The following TRPM3 variants were observed in gnomAD, a reference collection of about 807,000 sequenced individuals.
TRPM3 encodes transient receptor potential cation channel subfamily M member 3.
TRPM3 carries 77 observed loss-of-function variants against 181.2 expected under a neutral mutation model. The observed-to-expected ratio is 0.42, with a 90% CI of 0.35 to 0.51. The LOEUF is 0.51. Ranked by LOEUF, TRPM3 falls within the 20% of genes least tolerant of loss-of-function variation. The pLI is 0.01. For missense variants in TRPM3, 1,759 were observed against 2,196.7 expected (o/e 0.80, Z 3.98); for synonymous variants, 745 against 796.4 (o/e 0.94, Z 1.09).
At chr9:70,950,574 C>T (rs1323821211) in intron 1 of TRPM3, among the ~76,000 whole-genome samples, 1 of 152,180 alleles carries the variant, frequency 6.6e-6, no homozygotes, top group East Asian at 1.9e-4. Context: ...TATTGAGGAA[C>T]AGCGTTCTTT....
chr9:70,878,504 T>C (rs1564669641), intron 1 of TRPM3, among the ~76,000 whole-genome samples: 1 of 152,112 alleles, frequency 6.6e-6, no homozygotes, highest in African/African-American at 2.4e-5. Flanking sequence ...TATCTGTTTT[T>C]ACGTTTATGC....
At chr9:70,616,207 C>T in intron 17 of TRPM3, 132 bp from the exon 18 acceptor site, 2 of 533,628 alleles carry the variant, frequency 3.7e-6, no homozygotes, top group Non-Finnish European at 6.1e-6. Context: ...CATGCACACA[C>T]AGTTGTTATA....
chr9:71,249,151 A>C (rs2082198593), intron 1 of TRPM3, among the ~76,000 whole-genome samples: 1 of 152,230 alleles, frequency 6.6e-6, no homozygotes, highest in Admixed American at 6.5e-5. Context: ...AATCCCTGAA[A>C]GTATGGTCAC....
intron 1 of TRPM3, among the ~76,000 whole-genome samples, chr9:71,313,965 T>C (rs1403006431): frequency 1.3e-5 from 2 of 152,156 alleles, no homozygotes; most frequent in African/African-American, 4.8e-5. Context: ...TAAGAAAAGA[T>C]CATATTCCTA....
intron 1 of TRPM3, among the ~76,000 whole-genome samples, chr9:71,348,570 A>ATTT (rs1458512572): frequency 2.8e-5 from 4 of 145,342 alleles, no homozygotes; most frequent in African/African-American, 1.1e-4. Flanking sequence ...TTATTTATTT[A>ATTT]TTTATTTTTT....
At chr9:71,069,387 C>G (rs1019382503) in intron 1 of TRPM3, among the ~76,000 whole-genome samples, 1 of 152,136 alleles carries the variant, frequency 6.6e-6, no homozygotes, top group Non-Finnish European at 1.5e-5. Context: ...CCATGTTGGC[C>G]AGGGTGGTCT....
intron 1 of TRPM3, among the ~76,000 whole-genome samples, chr9:71,146,964 C>T (rs933424248): frequency 6.6e-6 from 1 of 152,120 alleles, no homozygotes; most frequent in Non-Finnish European, 1.5e-5. Flanking sequence ...GTGTTTGTGG[C>T]TATTGGATGT....
intron 1 of TRPM3, among the ~76,000 whole-genome samples, chr9:71,299,439 AC>A (rs2132317315): frequency 6.6e-6 from 1 of 152,088 alleles, no homozygotes; most frequent in Admixed American, 6.6e-5. Flanking sequence ...GGGAATTGAA[AC>A]TGAGAAAGGA....
Position 70,846,371 on chromosome 9 carries a change from C to G in TRPM3, c.676+7G>C, listed in dbSNP as rs202180156. ...ATGTTGACTTTCTCTGTTCCACTTG[C>G]AATTACCTGTGTTAACCCCTCCAGT... On this transcript the variant is annotated splice_region_variant and intron_variant, in intron 4 of 25. Coordinates refer to ENST00000677713, the MANE Select transcript of TRPM3 (RefSeq NM_001366145.2). The G allele has an allele frequency of 6.2e-7, 1 of 1,612,530 alleles. No homozygotes were observed. The highest frequency in any genetic ancestry group is 1.1e-5 in the South Asian group (1 of 91,034).
intron 1 of TRPM3, among the ~76,000 whole-genome samples, chr9:70,980,370 A>G (rs904008144): frequency 2.0e-5 from 3 of 148,274 alleles, no homozygotes; most frequent in African/African-American, 7.4e-5. Flanking sequence ...AGAAGGGGGA[A>G]AGAGAGAGAG....
intron 1 of TRPM3, among the ~76,000 whole-genome samples, chr9:71,298,064 T>C (rs914928477): frequency 6.6e-6 from 1 of 151,682 alleles, no homozygotes; most frequent in Non-Finnish European, 1.5e-5. Flanking sequence ...AGGTGAGTAG[T>C]CCACAGCATG....
chr9:71,207,948 C>T (rs2079227866), intron 1 of TRPM3, among the ~76,000 whole-genome samples: 2 of 151,994 alleles, frequency 1.3e-5, no homozygotes, highest in Admixed American at 1.3e-4. Flanking sequence ...TTTCCTTGTC[C>T]CCCAAATCCT....
chr9:71,428,912 C>A (rs985563629), intron 1 of TRPM3, among the ~76,000 whole-genome samples: 24 of 149,098 alleles, frequency 1.6e-4, no homozygotes, highest in Admixed American at 4.0e-4. Context: ...GCACCGCACT[C>A]CAACCTGGGC....
intron 1 of TRPM3, among the ~76,000 whole-genome samples, chr9:71,151,931 CA>C (rs2075757538): frequency 6.6e-6 from 1 of 152,046 alleles, no homozygotes; most frequent in Admixed American, 6.6e-5. Context: ...AACTATCTGC[CA>C]TCAACAAATG....
intron 1 of TRPM3, among the ~76,000 whole-genome samples, chr9:71,068,816 C>T (rs753900264): frequency 1.1e-4 from 17 of 152,152 alleles, no homozygotes; most frequent in Middle Eastern, 3.2e-3. Flanking sequence ...TATCCAAAAC[C>T]TTGCTTGTGA....
At chr9:70,591,645 A>C (rs142226706) in intron 21 of TRPM3, among the ~76,000 whole-genome samples, 1 of 152,294 alleles carries the variant, frequency 6.6e-6, no homozygotes, top group African/African-American at 2.4e-5. Context: ...CTATTCCAAG[A>C]GCGACTGCAA....
At position 70,537,204 on chromosome 9, in the gene TRPM3, G is replaced by C. The variant is rs776390323; in HGVS notation, c.3909C>G (p.Asp1303Glu). 1.2e-5 allele frequency: 19 copies of C among 1,594,996 alleles called. No homozygotes were observed. The highest frequency in any genetic ancestry group is 1.6e-5 in the Non-Finnish European group (19 of 1,166,602). ...IRSRTSSDCTDAAYIVRQSSF... is the reference protein window; with the variant it reads ...IRSRTSSDCTEAAYIVRQSSF... ...TGCTCTGACGGACAATGTAGGCGGC[G>C]TCCGTGCAGTCTGACGAGGTCCTCG... Residue 1303 changes from aspartate to glutamate, a missense_variant, in exon 26 of 26, where the codon GAC (aspartate) becomes GAG (glutamate). By Grantham distance (45) the Asp-to-Glu change is conservative. Coordinates refer to ENST00000677713, the MANE Select transcript of TRPM3 (RefSeq NM_001366145.2).
At chr9:71,145,964 C>A (rs2075381012) in intron 1 of TRPM3, among the ~76,000 whole-genome samples, 1 of 151,940 alleles carries the variant, frequency 6.6e-6, no homozygotes, top group Admixed American at 6.6e-5. Context: ...TGCCTAATAG[C>A]ATCGTTCTTT....
At chr9:71,101,358 C>T (rs544293200) in intron 1 of TRPM3, among the ~76,000 whole-genome samples, 1 of 152,128 alleles carries the variant, frequency 6.6e-6, no homozygotes, top group Non-Finnish European at 1.5e-5. Context: ...TTAGTCCTCA[C>T]TGATTTCCTT....
Sources: gnomAD v4.1 joint callset for allele counts (sites outside exome capture counted in the v4.1 genomes callset) on GRCh38, gnomAD v4.1.1 for gene constraint, MANE v1.5 for transcripts, NCBI Gene and HGNC (gene_info 2026-07-23, HGNC 2026-07-21) for gene names.